The following NXN variants were observed in gnomAD, a reference collection of about 807,000 sequenced individuals.
The protein encoded by NXN is nucleoredoxin.
Under a neutral mutation model 48.6 loss-of-function variants are expected in NXN, and 16 were observed. The ratio of observed to expected loss-of-function variants is 0.33; its 90% CI spans 0.22 to 0.50. NXN has a LOEUF of 0.50. Among genes scored for constraint, NXN ranks in the 20% least tolerant of loss-of-function variants. The pLI is 0.98. For synonymous variants in NXN, 281 were observed against 269.6 expected, an observed-to-expected ratio of 1.04 and a Z score of -0.41; for missense variants, 492 against 605.5, an observed-to-expected ratio of 0.81 and a Z score of 1.97.
At chr17:842,467 G>C in intron 1 of NXN, 1 of 975,924 alleles carries the variant, frequency 1.0e-6, no homozygotes, top group Non-Finnish European at 1.2e-6. Context: ...GGAAGGCCAC[G>C]TGGGTTACTG....
intron 5 of NXN, among the ~76,000 whole-genome samples, chr17:813,502 T>C (rs892224561): frequency 2.0e-5 from 3 of 152,220 alleles, no homozygotes; most frequent in Admixed American, 6.5e-5. Flanking sequence ...GCTTCCAAAG[T>C]GATATCCCTG....
At chr17:959,866 G>A (rs1302241200) in intron 1 of NXN, among the ~76,000 whole-genome samples, 3 of 151,706 alleles carry the variant, frequency 2.0e-5, no homozygotes. Context: ...GCTGAGGCGG[G>A]TGGATTACTT....
At chr17:831,418 C>T (rs1043856982) in intron 1 of NXN, among the ~76,000 whole-genome samples, 1 of 152,026 alleles carries the variant, frequency 6.6e-6, no homozygotes, top group Non-Finnish European at 1.5e-5. Flanking sequence ...GAACCAGTCC[C>T]CCCGCCACAC....
chr17:802,645 T>A lies in NXN; in HGVS notation c.1125+1037A>T, dbSNP rs575249568. Among the ~76,000 whole-genome samples the A allele has an allele frequency of 2.2e-4, 33 of 152,268 alleles. No individual in the cohort carries two copies. The East Asian group carries it at 5.8e-3, about 27-fold the overall frequency. ...AGCCTCCCTGGGGCTGGGCTTGGTG[T>A]GCAGTGGCCAGTGCCACCCCGAGGC... On this transcript the variant is annotated intron_variant, in intron 7 of 7. Transcript: ENST00000336868.
At chr17:948,839 C>T (rs2069076527) in intron 1 of NXN, among the ~76,000 whole-genome samples, 2 of 124,266 alleles carry the variant, frequency 1.6e-5, no homozygotes, top group Non-Finnish European at 3.5e-5. Flanking sequence ...CTCCTCCTCT[C>T]CCCCCTGCCT....
rs924680490 is a variant in NXN at position 962,240 on chromosome 17, T to C, written c.360+17079A>G. 8.5e-5 allele frequency among the ~76,000 whole-genome samples: 13 copies of C among 152,274 alleles called. No individual in the cohort carries two copies. In the East Asian group the frequency reaches 2.5e-3, roughly 29 times the overall value. On this transcript the variant is annotated intron_variant, in intron 1 of 7. Transcript: ENST00000336868. ...TATTTGTACACTTTTCTCAAAGCAA[T>C]AGATACATTCCTGAGACACTGCAGG...
intron 1 of NXN, among the ~76,000 whole-genome samples, chr17:911,639 T>C (rs969915943): frequency 1.3e-5 from 2 of 151,958 alleles, no homozygotes; most frequent in African/African-American, 4.8e-5. Flanking sequence ...AATTTTTGTA[T>C]TTTTAGTAGA....
chr17:818,557 T>C lies in NXN; in HGVS notation c.820+882A>G, dbSNP rs146506264. Among the ~76,000 whole-genome samples, 28 of 152,220 alleles carry C rather than the reference T, an allele frequency of 1.8e-4. No homozygotes were observed. The East Asian group carries it at 5.0e-3, about 27-fold the overall frequency. On this transcript the variant is annotated intron_variant, in intron 5 of 7. Coordinates refer to ENST00000336868, the MANE Select transcript of NXN (RefSeq NM_022463.5). ...TTGGGATAAGATTCTGGCCAAGTCA[T>C]TTGGGAGGCTGTGCTCCGTGTCCCA...
rs375289718 is a variant in NXN, at chr17:969,667, C to T, written c.360+9652G>A. 7.9e-5 allele frequency among the ~76,000 whole-genome samples: 12 copies of T among 152,104 alleles called. No homozygotes were observed. In the East Asian group the frequency reaches 9.6e-4, roughly 12 times the overall value. ...TGAGCCACCACGATCAAAAGAAAAC[C>T]GTCTTGACCTGATCACGTTTAACGG... On this transcript the variant is annotated intron_variant, in intron 1 of 7. Transcript: ENST00000336868.
chr17:852,326 G>A (rs1042096475), intron 1 of NXN, among the ~76,000 whole-genome samples: 2 of 152,140 alleles, frequency 1.3e-5, no homozygotes, highest in African/African-American at 4.8e-5. Context: ...CTCCAGCAGG[G>A]AACCTCATTA....
intron 1 of NXN, among the ~76,000 whole-genome samples, chr17:973,430 C>T (rs1374096273): frequency 6.6e-6 from 1 of 152,264 alleles, no homozygotes; most frequent in South Asian, 2.1e-4. Flanking sequence ...TTGCTTTGTG[C>T]GTAATTTCTC....
intron 5 of NXN, among the ~76,000 whole-genome samples, chr17:813,023 A>ACG (rs1912251466): frequency 6.6e-6 from 1 of 151,750 alleles, no homozygotes; most frequent in African/African-American, 2.4e-5. Flanking sequence ...GGTTGTGTGC[A>ACG]CGCGTGTGTG....
intron 1 of NXN, among the ~76,000 whole-genome samples, chr17:855,047 C>T (rs935153436): frequency 1.3e-5 from 2 of 151,942 alleles, no homozygotes; most frequent in South Asian, 4.1e-4. Context: ...GAGGCCAAGG[C>T]GGGAGGGTCA....
chr17:838,850 CGTTCCGG>C (rs1320742879), intron 1 of NXN, among the ~76,000 whole-genome samples: 1 of 152,178 alleles, frequency 6.6e-6, no homozygotes, highest in Non-Finnish European at 1.5e-5. Flanking sequence ...AAGAACCCAC[CGTTCCGG>C]GTTGAGTTTG....
chr17:920,855 T>A lies in NXN; in HGVS notation c.360+58464A>T, dbSNP rs1173463032. Among the ~76,000 whole-genome samples, 1 of 151,932 alleles carries A rather than the reference T, an allele frequency of 6.6e-6. No individual in the cohort carries two copies. The highest frequency in any genetic ancestry group is 2.4e-5 in the African/African-American group (1 of 41,344). On this transcript the variant is annotated intron_variant, in intron 1 of 7. Coordinates refer to ENST00000336868, the MANE Select transcript of NXN (RefSeq NM_022463.5). The surrounding 1 kb of genome is among the most constrained non-coding windows in gnomAD (Gnocchi z 4.6). ...CTCTTGCCTCAACCTCCCGAGTAGT[T>A]GGGATTACAGGCGCCCGCCACCATG...
At chr17:827,354 G>A (rs8070898) in intron 1 of NXN, among the ~76,000 whole-genome samples, 100,415 of 148,822 alleles carry the variant, frequency 0.67, 34,629 homozygotes, top group African/African-American at 0.84. Context: ...CGGGTGCGGT[G>A]GCTCACACCT....
At chr17:856,208 G>T (rs1597667327) in intron 1 of NXN, among the ~76,000 whole-genome samples, 1 of 151,966 alleles carries the variant, frequency 6.6e-6, no homozygotes, top group East Asian at 1.9e-4. Flanking sequence ...AAAAAAGAGG[G>T]TCTGATCTCT....
intron 1 of NXN, among the ~76,000 whole-genome samples, chr17:921,157 C>T (rs1293572761): frequency 6.6e-6 from 1 of 152,184 alleles, no homozygotes; most frequent in Non-Finnish European, 1.5e-5. Flanking sequence ...CTCAGAGCAG[C>T]GGCTGGCACA....
chr17:889,337 C>G (rs1315519545), intron 1 of NXN, among the ~76,000 whole-genome samples: 1 of 152,236 alleles, frequency 6.6e-6, no homozygotes, highest in Non-Finnish European at 1.5e-5. Flanking sequence ...GCTCTAAGCC[C>G]TGCTACCCGC....
Sources: allele counts gnomAD v4.1 joint callset (sites outside exome capture counted in the v4.1 genomes callset), GRCh38; gene constraint gnomAD v4.1.1; non-coding constraint Gnocchi (gnomAD v3.1); transcripts MANE v1.5; gene names NCBI Gene and HGNC (gene_info 2026-07-23, HGNC 2026-07-21).